Variants in OPRD1 observed in about 807,000 individuals in gnomAD.
OPRD1 encodes the protein opioid receptor delta 1, also known as delta-type opioid receptor.
Under a neutral mutation model 17.5 loss-of-function variants are expected in OPRD1, and 19 were observed. The observed-to-expected ratio is 1.09, with a 90% CI of 0.76 to 1.60. The LOEUF is 1.60. OPRD1 is among the 40% of genes most tolerant of loss of function. The pLI is 0.00. For synonymous variants in OPRD1, 256 were observed against 240.9 expected (o/e 1.06, Z -0.58); for missense variants, 483 against 547.2 (o/e 0.88, Z 1.17).
At chr1:28,838,248 A>T (rs1346780838) in intron 1 of OPRD1, among the ~76,000 whole-genome samples, 1 of 152,166 alleles carries the variant, frequency 6.6e-6, no homozygotes, top group African/African-American at 2.4e-5. Context: ...ACATCTGCCA[A>T]GAGCCGGGAC....
At chr1:28,841,744 C>T (rs547526508) in intron 1 of OPRD1, among the ~76,000 whole-genome samples, 33 of 151,782 alleles carry the variant, frequency 2.2e-4, no homozygotes, top group African/African-American at 7.7e-4. Context: ...AACAGAGTCT[C>T]GCTCTGTCAC....
chr1:28,824,706 C>T (rs1351259411), intron 1 of OPRD1, among the ~76,000 whole-genome samples: 4 of 152,202 alleles, frequency 2.6e-5, no homozygotes, highest in Middle Eastern at 3.4e-3. Context: ...TTGCAGACCT[C>T]GTAGGAGGTG....
intron 1 of OPRD1, among the ~76,000 whole-genome samples, chr1:28,848,116 C>T (rs568953623): frequency 2.6e-5 from 4 of 151,928 alleles, no homozygotes; most frequent in South Asian, 4.2e-4. Flanking sequence ...GGCGGGATGG[C>T]GGGTACCTGT....
intron 1 of OPRD1, among the ~76,000 whole-genome samples, chr1:28,833,785 A>G (rs1446709896): frequency 6.6e-6 from 1 of 152,194 alleles, no homozygotes; most frequent in Admixed American, 6.5e-5. Flanking sequence ...TCTGATCCAC[A>G]GTCCCCTCAT....
rs1383728330 is a variant in OPRD1 at position 28,842,976 on chromosome 1, AAG to A, written c.228-15976_228-15975del. Among the ~76,000 whole-genome samples the A allele has an allele frequency of 4.0e-5, 6 of 151,782 alleles. No individual in the cohort carries two copies. In the East Asian group the frequency reaches 7.7e-4, roughly 20 times the overall value. On this transcript the variant is annotated intron_variant, in intron 1 of 2. Transcript: ENST00000234961. ...AGTCCTAGCTACTTGGGAAAAAAAA[AAG>A]AAGAAGAAAAAGAAAAATACCAGGT...
intron 1 of OPRD1, among the ~76,000 whole-genome samples, chr1:28,845,501 A>G (rs1183205459): frequency 1.3e-5 from 2 of 151,578 alleles, no homozygotes; most frequent in Non-Finnish European, 2.9e-5. Flanking sequence ...AAAAATTGAT[A>G]TAGTCCAACT....
intron 1 of OPRD1, among the ~76,000 whole-genome samples, chr1:28,833,940 GT>G (rs1386409786): frequency 1.3e-5 from 2 of 152,082 alleles, no homozygotes; most frequent in Admixed American, 1.3e-4. Context: ...CCAGTGTTCT[GT>G]TTTTTTGTTG....
intron 1 of OPRD1, among the ~76,000 whole-genome samples, chr1:28,855,299 C>T (rs1232442193): frequency 6.6e-6 from 1 of 151,990 alleles, no homozygotes; most frequent in African/African-American, 2.4e-5. Context: ...TCCAGAGGCC[C>T]CGAAGTGGGG....
At chr1:28,861,022 C>T (rs1364823889) in intron 2 of OPRD1, among the ~76,000 whole-genome samples, 1 of 152,154 alleles carries the variant, frequency 6.6e-6, no homozygotes, top group East Asian at 1.9e-4. Flanking sequence ...ACACACTTTC[C>T]CAGTGTGTGC....
intron 1 of OPRD1, among the ~76,000 whole-genome samples, chr1:28,845,984 T>A (rs1569635039): frequency 6.6e-6 from 1 of 152,336 alleles, no homozygotes; most frequent in South Asian, 2.1e-4. Flanking sequence ...AAGTCTTCAA[T>A]GGCTTCCTGT....
intron 1 of OPRD1, among the ~76,000 whole-genome samples, chr1:28,826,525 TA>T (rs969318883): frequency 2.0e-5 from 3 of 147,854 alleles, no homozygotes; most frequent in Non-Finnish European, 4.5e-5. Context: ...CAAAAAAAAA[TA>T]AAAAAAAAAG....
At chr1:28,835,161 C>T (rs1260996016) in intron 1 of OPRD1, among the ~76,000 whole-genome samples, 1 of 152,164 alleles carries the variant, frequency 6.6e-6, no homozygotes, top group Non-Finnish European at 1.5e-5. Context: ...TATGCCACAT[C>T]CTTGTGGGAG....
intron 1 of OPRD1, among the ~76,000 whole-genome samples, chr1:28,854,600 G>A (rs1183858032): frequency 1.3e-5 from 2 of 151,968 alleles, no homozygotes; most frequent in Non-Finnish European, 2.9e-5. Context: ...GTGTCCCTGT[G>A]CGAGCTGGTG....
At position 28,868,416 on chromosome 1, in the gene OPRD1, G is replaced by A. The variant is rs907789144; in HGVS notation, c.*5133G>A. 6.6e-6 allele frequency: 1 copy of A among 152,252 alleles called. No individual in the cohort carries two copies. The highest frequency in any genetic ancestry group is 1.5e-5 in the Non-Finnish European group (1 of 68,064). The allele number at this position is 152,252 out of a possible 1,614,324, so 9.4% of individuals were successfully genotyped here. ...CCACGAGAGCACTCTCTGAAAGCTA[G>A]AGATATGGTAAGCAAAGTGCCACCA... On this transcript the variant is annotated 3_prime_UTR_variant, in exon 3 of 3. Coordinates refer to ENST00000234961, the MANE Select transcript of OPRD1 (RefSeq NM_000911.4).
At chr1:28,854,809 C>T (rs555249769) in intron 1 of OPRD1, among the ~76,000 whole-genome samples, 4 of 152,106 alleles carry the variant, frequency 2.6e-5, no homozygotes, top group African/African-American at 4.8e-5. Flanking sequence ...CATGCCACTA[C>T]GCCCGGCTAA....
Position 28,812,332 on chromosome 1 carries a change from C to G in OPRD1, c.-52C>G, listed in dbSNP as rs2088636498. ...TTGCCGCTCCCCTCGCGTCGGATCC[C>G]CGCGCCCAGGGCGCACGGTGGAGAG... On this transcript the variant is annotated 5_prime_UTR_variant, in exon 1 of 3. Transcript: ENST00000234961. 8.1e-7 allele frequency: 1 copy of G among 1,231,978 alleles called. No homozygotes were observed. The highest frequency in any genetic ancestry group is 1.0e-6 in the Non-Finnish European group (1 of 977,508). The allele number at this position is 1,231,978 out of a possible 1,614,324, so 76.3% of individuals were successfully genotyped here.
intron 1 of OPRD1, among the ~76,000 whole-genome samples, chr1:28,831,785 G>A (rs1297220620): frequency 6.6e-6 from 1 of 151,986 alleles, no homozygotes; most frequent in East Asian, 1.9e-4. Context: ...TGATCCTCCT[G>A]CCTTGGCCTC....
chr1:28,824,675 A>G (rs2088749040), intron 1 of OPRD1, among the ~76,000 whole-genome samples: 1 of 151,914 alleles, frequency 6.6e-6, no homozygotes, highest in South Asian at 2.1e-4. Context: ...AGAGATGTAT[A>G]TATATTATCC....
chr1:28,827,306 C>G (rs555671240), intron 1 of OPRD1, among the ~76,000 whole-genome samples: 1 of 152,192 alleles, frequency 6.6e-6, no homozygotes, highest in East Asian at 1.9e-4. Flanking sequence ...AAAAACAAAA[C>G]AAAACCAAAA....
Sources: allele counts gnomAD v4.1 joint callset (sites outside exome capture counted in the v4.1 genomes callset), GRCh38; gene constraint gnomAD v4.1.1; transcripts MANE v1.5; gene names NCBI Gene and HGNC (gene_info 2026-07-23, HGNC 2026-07-21).